PFKP: variants seen among roughly 807,000 people sequenced by gnomAD.
PFKP encodes phosphofructokinase, platelet, also known as ATP-dependent 6-phosphofructokinase, platelet type.
In PFKP, 101 loss-of-function variants were observed where a neutral mutation model predicts 94.3. The ratio of observed to expected loss-of-function variants is 1.07; its 90% CI spans 0.91 to 1.26. PFKP has a LOEUF of 1.26. Ranked by LOEUF, PFKP falls within the 50% of genes most tolerant of loss-of-function variation. The pLI, the probability that PFKP is intolerant of heterozygous loss-of-function variation, is 0.00. For synonymous variants in PFKP, 573 were observed against 432.6 expected (o/e 1.32, Z -4.03); for missense variants, 1,145 against 1,103.3 (o/e 1.04, Z -0.53).
At chr10:3,134,801 C>T (rs900989481) in intron 20 of PFKP, among the ~76,000 whole-genome samples, 4 of 152,262 alleles carry the variant, frequency 2.6e-5, no homozygotes, top group Admixed American at 2.6e-4. Flanking sequence ...TCTCTTTTAT[C>T]ACTGCTAGAT....
Position 3,104,934 on chromosome 10 carries a change from C to T in PFKP, c.621-181C>T, listed in dbSNP as rs189045158. On this transcript the variant is annotated intron_variant, in intron 5 of 21. Transcript: ENST00000381125. ...AGGAGTCTGGAAGGCTACTGCATAG[C>T]GTTTGCCTTAGTAGAAAATGGACCA... The T allele has an allele frequency of 7.5e-5, 51 of 680,536 alleles. No individual in the cohort carries two copies. In the Admixed American group the frequency reaches 1.3e-3, roughly 17 times the overall value. 42.2% of individuals were successfully genotyped at this position (680,536 alleles called of 1,614,324 possible).
intron 2 of PFKP, among the ~76,000 whole-genome samples, chr10:3,095,257 AGGT>A (rs920013585): frequency 8.5e-5 from 13 of 152,252 alleles, no homozygotes; most frequent in African/African-American, 3.1e-4. Context: ...CTACGCGCAT[AGGT>A]GAACTAGCTT....
At chr10:3,134,722 T>G (rs1191306259) in intron 20 of PFKP, 140 bp downstream of exon 20, 2 of 591,592 alleles carry the variant, frequency 3.4e-6, no homozygotes, top group East Asian at 5.2e-5. Context: ...GTTTTACTCC[T>G]GATCTCTGAG....
At chr10:3,135,430 G>A (rs926396323) in intron 20 of PFKP, among the ~76,000 whole-genome samples, 1 of 132,918 alleles carries the variant, frequency 7.5e-6, no homozygotes, top group Admixed American at 7.3e-5. Flanking sequence ...GTATGTGTGA[G>A]CATAAATTAG....
chr10:3,076,017 C>CAAAAAAAAAAAAAA (rs59102828), intron 1 of PFKP, among the ~76,000 whole-genome samples: 2 of 61,848 alleles, frequency 3.2e-5, no homozygotes, highest in African/African-American at 5.9e-5. Context: ...GACTCCGTCT[C>CAAAAAAAAAAAAAA]AAAAAAAAAA....
intron 1 of PFKP, among the ~76,000 whole-genome samples, chr10:3,070,703 A>G (rs1673655039): frequency 6.6e-6 from 1 of 152,134 alleles, no homozygotes; most frequent in South Asian, 2.1e-4. Flanking sequence ...GATAGGAGCA[A>G]AACAGATCTT....
chr10:3,130,113 G>A (rs898438079), intron 17 of PFKP, 130 bp downstream of exon 17: 5 of 790,622 alleles, frequency 6.3e-6, no homozygotes, highest in Admixed American at 3.2e-5. Flanking sequence ...AACATGCCAC[G>A]CTTGATACAC....
chr10:3,116,135 T>C (rs1284250313), intron 13 of PFKP, among the ~76,000 whole-genome samples: 1 of 151,312 alleles, frequency 6.6e-6, no homozygotes, highest in Non-Finnish European at 1.5e-5. Flanking sequence ...TTCTGTCAAA[T>C]ATATATATAT....
At chr10:3,113,569 A>G in intron 13 of PFKP, 51 bp downstream of exon 13, 2 of 1,565,138 alleles carry the variant, frequency 1.3e-6, no homozygotes, top group South Asian at 1.1e-5. Flanking sequence ...CTGTGAGCAC[A>G]GTGGACGTGG....
chr10:3,112,511 G>A (rs890256919), intron 11 of PFKP, among the ~76,000 whole-genome samples: 1 of 152,218 alleles, frequency 6.6e-6, no homozygotes, highest in Non-Finnish European at 1.5e-5. Context: ...GGTGATGGTT[G>A]TTTAGGAGCT....
At chr10:3,135,625 G>A (rs2306316) in intron 20 of PFKP, 111 bp from the exon 21 acceptor site, 87,765 of 662,254 alleles carry the variant, frequency 0.13, 6,235 homozygotes, top group Non-Finnish European at 0.14. Flanking sequence ...CTTCCAGGCC[G>A]GGTTCAGCAT....
At chr10:3,077,323 G>T (rs1228340096) in intron 1 of PFKP, among the ~76,000 whole-genome samples, 1 of 133,488 alleles carries the variant, frequency 7.5e-6, no homozygotes, top group African/African-American at 2.8e-5. Flanking sequence ...GTGTAGTGGC[G>T]CAATCTCGGC....
At chr10:3,105,055 G>T in intron 5 of PFKP, 60 bp from the exon 6 acceptor site, 1 of 1,497,418 alleles carries the variant, frequency 6.7e-7, no homozygotes, top group Middle Eastern at 1.7e-4. Flanking sequence ...CTGAGTGGGT[G>T]CTCCCTCTGT....
rs113937537 is a variant in PFKP at position 3,128,321 on chromosome 10, G to A, written c.1684-1498G>A. 4.8e-3 allele frequency among the ~76,000 whole-genome samples: 724 copies of A among 152,334 alleles called. 6 individuals carry two copies. Among genetic ancestry groups the A allele is most frequent in the African/African-American group, 0.016 (684 of 41,576 alleles). On this transcript the variant is annotated intron_variant, in intron 16 of 21. Transcript: ENST00000381125. Reference sequence around the variant, plus strand: ...AGGGAGAGACACCGGGATAATTTCTGTGAAGAGAGGACATGGGGTGGCTCC... The same window carrying A: ...AGGGAGAGACACCGGGATAATTTCTATGAAGAGAGGACATGGGGTGGCTCC...
chr10:3,073,877 G>T (rs1394516812), intron 1 of PFKP, among the ~76,000 whole-genome samples: 7 of 151,976 alleles, frequency 4.6e-5, no homozygotes, highest in African/African-American at 1.7e-4. Context: ...TTGCCCTCTT[G>T]CCCAGCCTGG....
At chr10:3,071,427 GTTTTTT>G (rs569603765) in intron 1 of PFKP, among the ~76,000 whole-genome samples, 1,161 of 92,518 alleles carry the variant, frequency 0.013, 9 homozygotes, top group African/African-American at 0.044. Context: ...GTCTCAGGCT[GTTTTTT>G]TTTTTTTTTT....
chr10:3,103,732 C>T (rs375322978), intron 4 of PFKP, 47 bp from the exon 5 acceptor site: 74 of 1,603,252 alleles, frequency 4.6e-5, no homozygotes, highest in African/African-American at 6.7e-5. Flanking sequence ...ACCCCCCGAA[C>T]GCGCCATGGT....
intron 2 of PFKP, among the ~76,000 whole-genome samples, chr10:3,083,786 T>A (rs1833270074): frequency 6.6e-6 from 1 of 152,130 alleles, no homozygotes; most frequent in African/African-American, 2.4e-5. Flanking sequence ...GGGATTAAGG[T>A]GCCTGCCACC....
rs1284457175 is a variant in PFKP, at chr10:3,120,614, C to A, written c.1683+570C>A. 2.6e-5 allele frequency among the ~76,000 whole-genome samples: 4 copies of A among 152,244 alleles called. No homozygotes were observed. The East Asian group carries it at 7.7e-4, about 29-fold the overall frequency. On this transcript the variant is annotated intron_variant, in intron 16 of 21. Transcript: ENST00000381125. ...ACCTCTAAGGCAATAATTGGTGCTA[C>A]TTTAGTTTTTTTGCCAAGAGACAAT...
Sources: gnomAD v4.1 joint callset for allele counts (sites outside exome capture counted in the v4.1 genomes callset) on GRCh38, gnomAD v4.1.1 for gene constraint, MANE v1.5 for transcripts, NCBI Gene and HGNC (gene_info 2026-07-23, HGNC 2026-07-21) for gene names.